The following UTRN variants were observed in gnomAD, a reference collection of about 807,000 sequenced individuals.
UTRN encodes the protein dystrophin-related protein 1.
Under a neutral mutation model 463.9 loss-of-function variants are expected in UTRN, and 283 were observed. The ratio of observed to expected loss-of-function variants is 0.61; its 90% CI spans 0.55 to 0.67. The LOEUF (loss-of-function observed/expected upper bound fraction) is 0.67, where lower values mean the gene tolerates loss of function less well. Ranked by LOEUF, UTRN falls within the 30% of genes least tolerant of loss-of-function variation. The pLI, the probability that UTRN is intolerant of heterozygous loss-of-function variation, is 0.00. For synonymous variants in UTRN, 1,442 were observed against 1,431.5 expected, an observed-to-expected ratio of 1.01 and a Z score of -0.17; for missense variants, 3,922 against 4,084.3, an observed-to-expected ratio of 0.96 and a Z score of 1.08.
intron 34 of UTRN, among the ~76,000 whole-genome samples, chr6:144,508,963 C>A (rs1398190038): frequency 6.6e-6 from 1 of 152,092 alleles, no homozygotes; most frequent in African/African-American, 2.4e-5. Context: ...AATGTTTAGC[C>A]ATGTTTTATA....
chr6:144,610,457 T>A (rs1805373807), intron 51 of UTRN, among the ~76,000 whole-genome samples: 1 of 152,288 alleles, frequency 6.6e-6, no homozygotes, highest in Admixed American at 6.5e-5. Flanking sequence ...AAGCCCAGAA[T>A]TGGATGACTC....
At chr6:144,578,912 G>T (rs1801702179) in intron 51 of UTRN, among the ~76,000 whole-genome samples, 1 of 151,190 alleles carries the variant, frequency 6.6e-6, no homozygotes. Context: ...AGGATACAGA[G>T]TCTTTCTTTG....
chr6:144,494,575 T>C (rs1329511736), intron 33 of UTRN, among the ~76,000 whole-genome samples: 1 of 152,220 alleles, frequency 6.6e-6, no homozygotes, highest in Non-Finnish European at 1.5e-5. Context: ...TATTCTCTTA[T>C]CTGGCCCTAC....
chr6:144,508,785 C>T (rs892661906), intron 34 of UTRN, among the ~76,000 whole-genome samples: 3 of 152,158 alleles, frequency 2.0e-5, no homozygotes, highest in African/African-American at 7.2e-5. Context: ...AGGTAAGGCT[C>T]TAACCTTCTT....
At chr6:144,794,091 G>A in intron 63 of UTRN, 100 bp downstream of exon 63, 1 of 1,473,200 alleles carries the variant, frequency 6.8e-7, no homozygotes, top group East Asian at 2.4e-5. Context: ...GCCAAATACT[G>A]GAAGACTTTG....
intron 22 of UTRN, 67 bp from the exon 23 acceptor site, chr6:144,462,587 C>A: frequency 1.4e-6 from 2 of 1,403,554 alleles, no homozygotes; most frequent in Non-Finnish European, 1.9e-6. Context: ...CTTTATATAG[C>A]CCATTTTACT....
At chr6:144,339,522 G>A (rs1776978867) in intron 2 of UTRN, among the ~76,000 whole-genome samples, 1 of 151,846 alleles carries the variant, frequency 6.6e-6, no homozygotes, top group African/African-American at 2.4e-5. Flanking sequence ...GAGGAAGTTG[G>A]ATGAAGGGAA....
Position 144,851,076 on chromosome 6 carries a change from A to T in UTRN, c.*79A>T. 1.9e-6 allele frequency: 3 copies of T among 1,594,260 alleles called. No homozygotes were observed. The highest frequency in any genetic ancestry group is 2.6e-6 in the Non-Finnish European group (3 of 1,162,240). Reference sequence around the variant, plus strand: ...CAAATGCCAATTCCAAGTTCCATTAAATCAGAAGCTCCATGGCTCCTTGGC... The same window carrying T: ...CAAATGCCAATTCCAAGTTCCATTATATCAGAAGCTCCATGGCTCCTTGGC... On this transcript the variant is annotated 3_prime_UTR_variant, in exon 75 of 75. Transcript: ENST00000367545.
intron 12 of UTRN, among the ~76,000 whole-genome samples, chr6:144,440,140 A>G (rs1188972806): frequency 1.3e-5 from 2 of 152,228 alleles, no homozygotes; most frequent in Non-Finnish European, 1.5e-5. Context: ...GCAGTCTGTT[A>G]TAACACTGCA....
intron 2 of UTRN, among the ~76,000 whole-genome samples, chr6:144,343,831 C>T (rs138300750): frequency 2.6e-5 from 4 of 152,240 alleles, no homozygotes; most frequent in African/African-American, 7.2e-5. Context: ...CAAACGCCTT[C>T]TAACATCTTT....
At chr6:144,573,044 C>T (rs1262443467) in intron 50 of UTRN, among the ~76,000 whole-genome samples, 1 of 152,170 alleles carries the variant, frequency 6.6e-6, no homozygotes, top group African/African-American at 2.4e-5. Flanking sequence ...TTCTCCACAT[C>T]CTCTCCAGCA....
At chr6:144,452,779 TA>T (rs75475432) in intron 18 of UTRN, among the ~76,000 whole-genome samples, 2,138 of 134,716 alleles carry the variant, frequency 0.016, 19 homozygotes, top group Admixed American at 0.02. Flanking sequence ...CTACAAAAAG[TA>T]AAAAAAAAAA....
chr6:144,483,421 G>C (rs1183956401), intron 27 of UTRN, among the ~76,000 whole-genome samples: 1 of 152,060 alleles, frequency 6.6e-6, no homozygotes, highest in Non-Finnish European at 1.5e-5. Context: ...TAATTCAGTG[G>C]CTGGAAAATT....
intron 31 of UTRN, among the ~76,000 whole-genome samples, chr6:144,490,498 G>A (rs1792954847): frequency 6.6e-6 from 1 of 152,206 alleles, no homozygotes; most frequent in African/African-American, 2.4e-5. Context: ...GTATCGTGTG[G>A]CTGATGCTGT....
chr6:144,437,718 A>C lies in UTRN; in HGVS notation c.1213A>C (p.Arg405=). ...GCTGAATGCTAGATGGGAGGCTCTTAGGGTGGAGAGTATGGACAGACAGTC... is the reference window on the plus strand; with the variant it reads ...GCTGAATGCTAGATGGGAGGCTCTTCGGGTGGAGAGTATGGACAGACAGTC... The part of the protein sequence containing the change: ...TLLNARWEAL[R]VESMDRQSRL... The change falls in exon 11 of 75, where the codon AGG becomes CGG. Residue 405 remains arginine (R), a synonymous_variant. Transcript: ENST00000367545. The C allele has an allele frequency of 6.2e-7, 1 of 1,613,874 alleles. No homozygotes were observed. The highest frequency in any genetic ancestry group is 8.5e-7 in the Non-Finnish European group (1 of 1,179,898).
intron 52 of UTRN, among the ~76,000 whole-genome samples, chr6:144,683,065 T>G (rs1025986792): frequency 6.6e-6 from 1 of 152,132 alleles, no homozygotes; most frequent in African/African-American, 2.4e-5. Flanking sequence ...CAAGGGGCAT[T>G]CATCATGTGG....
rs191749315 is a variant in UTRN, at chr6:144,556,671, G to A, written c.7135-486G>A. On this transcript the variant is annotated intron_variant, in intron 49 of 74. Transcript: ENST00000367545. ...GTTTGGCTATTCAAGCAAACTCTCAGTAAACCTTGCTTGGCAGCTTGATCC... is the reference window on the plus strand; with the variant it reads ...GTTTGGCTATTCAAGCAAACTCTCAATAAACCTTGCTTGGCAGCTTGATCC... Among the ~76,000 whole-genome samples, 55 of 152,296 alleles carry A rather than the reference G, an allele frequency of 3.6e-4. No homozygotes were observed. In the East Asian group the frequency reaches 0.01, roughly 28 times the overall value.
At chr6:144,661,124 C>T (rs1018796997) in intron 51 of UTRN, among the ~76,000 whole-genome samples, 2 of 152,188 alleles carry the variant, frequency 1.3e-5, no homozygotes, top group Admixed American at 6.5e-5. Flanking sequence ...ATTTAAAAAG[C>T]TGTGCTCAGT....
At chr6:144,811,146 A>AACAC (rs369867502) in intron 65 of UTRN, among the ~76,000 whole-genome samples, 1 of 151,996 alleles carries the variant, frequency 6.6e-6, no homozygotes, top group African/African-American at 2.4e-5. Flanking sequence ...GCAAAAATAA[A>AACAC]ACACACACAC....
Sources: allele counts gnomAD v4.1 joint callset (sites outside exome capture counted in the v4.1 genomes callset), GRCh38; gene constraint gnomAD v4.1.1; transcripts MANE v1.5; gene names NCBI Gene and HGNC (gene_info 2026-07-23, HGNC 2026-07-21).